FTO: variants seen among roughly 807,000 people sequenced by gnomAD.
FTO encodes FTO alpha-ketoglutarate dependent dioxygenase.
A neutral mutation model predicts 63.9 loss-of-function variants in FTO; 47 were observed. That is an observed-to-expected ratio of 0.74 (90% CI 0.58 to 0.94). The LOEUF is 0.94. Ranked by LOEUF, FTO falls within the 40% of genes least tolerant of loss-of-function variation. FTO has a pLI of 0.00. For synonymous variants in FTO, 207 were observed against 224.4 expected, an observed-to-expected ratio of 0.92 and a Z score of 0.69; for missense variants, 562 against 618.1, an observed-to-expected ratio of 0.91 and a Z score of 0.96.
chr16:53,884,173 G>A (rs2080936330), intron 6 of FTO, among the ~76,000 whole-genome samples: 1 of 152,172 alleles, frequency 6.6e-6, no homozygotes, highest in African/African-American at 2.4e-5. Flanking sequence ...ATGTTTTGGA[G>A]TACCTTATGG....
chr16:53,911,265 G>A (rs1222358371), intron 7 of FTO: 5 of 651,416 alleles, frequency 7.7e-6, no homozygotes, highest in Admixed American at 2.2e-5. Context: ...AGTTTCAAGA[G>A]TAAAGGAGAA....
intron 1 of FTO, among the ~76,000 whole-genome samples, chr16:53,787,820 A>G (rs2077791091): frequency 6.6e-6 from 1 of 152,246 alleles, no homozygotes. Context: ...TAGACTCCAT[A>G]GTGAATGATG....
At chr16:54,088,268 T>C (rs1349680019) in intron 8 of FTO, among the ~76,000 whole-genome samples, 1 of 152,236 alleles carries the variant, frequency 6.6e-6, no homozygotes, top group Non-Finnish European at 1.5e-5. Flanking sequence ...CTCAATAATA[T>C]GCCTTATGTT....
chr16:53,891,861 G>T (rs938241978), intron 7 of FTO, among the ~76,000 whole-genome samples: 1 of 152,106 alleles, frequency 6.6e-6, no homozygotes, highest in Non-Finnish European at 1.5e-5. Flanking sequence ...AAAAGGAAAA[G>T]CAATTCTGCG....
At chr16:53,712,732 C>G (rs2075804696) in intron 1 of FTO, among the ~76,000 whole-genome samples, 1 of 152,154 alleles carries the variant, frequency 6.6e-6, no homozygotes, top group Non-Finnish European at 1.5e-5. Flanking sequence ...CTCCATTGTA[C>G]CTGGCAGGAT....
At chr16:53,705,521 G>C (rs2075585794) in intron 1 of FTO, among the ~76,000 whole-genome samples, 1 of 152,204 alleles carries the variant, frequency 6.6e-6, no homozygotes, top group Non-Finnish European at 1.5e-5. Context: ...AAATAACGTA[G>C]ACACAGTTCT....
At chr16:54,090,063 C>G (rs1313955951) in intron 8 of FTO, among the ~76,000 whole-genome samples, 1 of 152,130 alleles carries the variant, frequency 6.6e-6, no homozygotes, top group Non-Finnish European at 1.5e-5. Context: ...AGCAGGGACT[C>G]AAACAGATAC....
chr16:54,088,931 C>T (rs1247334038), intron 8 of FTO, among the ~76,000 whole-genome samples: 1 of 152,216 alleles, frequency 6.6e-6, no homozygotes, highest in Non-Finnish European at 1.5e-5. Flanking sequence ...TCAGGATATG[C>T]ATACATGGCC....
chr16:53,916,224 A>G lies in FTO; in HGVS notation c.1240-17761A>G, dbSNP rs190322036. 2.6e-4 allele frequency among the ~76,000 whole-genome samples: 40 copies of G among 152,226 alleles called. 1 individual carries two copies. In the East Asian group the frequency reaches 7.5e-3, roughly 29 times the overall value. ...ATAACTCTGGACCTCAGAGTGCCCTACCTAAGTGGGAGGCATTAAAAGATG... is the reference window on the plus strand; with the variant it reads ...ATAACTCTGGACCTCAGAGTGCCCTGCCTAAGTGGGAGGCATTAAAAGATG... On this transcript the variant is annotated intron_variant, in intron 7 of 8. Coordinates refer to ENST00000471389, the MANE Select transcript of FTO (RefSeq NM_001080432.3).
intron 1 of FTO, among the ~76,000 whole-genome samples, chr16:53,780,164 A>C (rs1598637515): frequency 6.6e-6 from 1 of 152,262 alleles, no homozygotes; most frequent in Non-Finnish European, 1.5e-5. Context: ...TGGGTTCTAT[A>C]GCTCTGAGAG....
chr16:53,978,890 T>A (rs1332121467), intron 8 of FTO, among the ~76,000 whole-genome samples: 1 of 151,894 alleles, frequency 6.6e-6, no homozygotes, highest in African/African-American at 2.4e-5. Context: ...TCCCAGCAAC[T>A]CGGGAGGCTG....
intron 7 of FTO, among the ~76,000 whole-genome samples, chr16:53,932,151 A>G (rs9924072): frequency 0.48 from 73,422 of 151,928 alleles, 20,326 homozygotes; most frequent in African/African-American, 0.77. Context: ...GAAGCTGAAC[A>G]TTCCTCCTTG....
chr16:53,796,432 A>G (rs1300309555), intron 1 of FTO, among the ~76,000 whole-genome samples: 1 of 152,184 alleles, frequency 6.6e-6, no homozygotes, highest in African/African-American at 2.4e-5. Flanking sequence ...ATTGGTTTAA[A>G]TACTACTTTT....
intron 8 of FTO, among the ~76,000 whole-genome samples, chr16:54,020,543 TG>T (rs1427999494): frequency 6.6e-6 from 1 of 152,198 alleles, no homozygotes. Context: ...TTATACTGAC[TG>T]CTTGAATAGA....
At chr16:53,708,309 G>C (rs2075676820) in intron 1 of FTO, among the ~76,000 whole-genome samples, 1 of 151,662 alleles carries the variant, frequency 6.6e-6, no homozygotes. Context: ...AGGTTGCAGA[G>C]AGCCCAGATT....
At position 54,037,217 on chromosome 16, in the gene FTO, C is replaced by T. The variant is rs181622568; in HGVS notation, c.1365-74545C>T. 1.8e-4 allele frequency among the ~76,000 whole-genome samples: 27 copies of T among 152,260 alleles called. No homozygotes were observed. The South Asian group carries it at 5.4e-3, about 30-fold the overall frequency. ...GCTAGGGAGTTCAGGCCACCCCGAGCGAGCATGGCTGCCTGGAACCTGCTA... is the reference window on the plus strand; with the variant it reads ...GCTAGGGAGTTCAGGCCACCCCGAGTGAGCATGGCTGCCTGGAACCTGCTA... On this transcript the variant is annotated intron_variant, in intron 8 of 8. Coordinates refer to ENST00000471389, the MANE Select transcript of FTO (RefSeq NM_001080432.3).
chr16:53,722,684 C>T (rs189471563), intron 1 of FTO, among the ~76,000 whole-genome samples: 9 of 152,010 alleles, frequency 5.9e-5, no homozygotes, highest in Admixed American at 3.3e-4. Context: ...AAAAATTAGC[C>T]GGGTGTGGTG....
chr16:53,780,155 G>A (rs1408345804), intron 1 of FTO, among the ~76,000 whole-genome samples: 2 of 152,160 alleles, frequency 1.3e-5, no homozygotes, highest in Non-Finnish European at 1.5e-5. Context: ...AGAACAACCT[G>A]GGTTCTATAG....
At chr16:53,883,361 C>T (rs546702920) in intron 6 of FTO, among the ~76,000 whole-genome samples, 14 of 152,168 alleles carry the variant, frequency 9.2e-5, no homozygotes, top group Admixed American at 3.9e-4. Context: ...GTGGCTCACG[C>T]GTGTAATCCC....
Sources: allele counts gnomAD v4.1 joint callset (sites outside exome capture counted in the v4.1 genomes callset), GRCh38; gene constraint gnomAD v4.1.1; transcripts MANE v1.5; gene names NCBI Gene and HGNC (gene_info 2026-07-23, HGNC 2026-07-21).